Variants in CNTN6 observed in about 807,000 individuals in gnomAD.
CNTN6 encodes contactin 6.
CNTN6 carries 137 observed loss-of-function variants against 122.8 expected under a neutral mutation model. The ratio of observed to expected loss-of-function variants is 1.12; its 90% CI spans 0.97 to 1.29. CNTN6 has a LOEUF of 1.29. CNTN6 is among the 50% of genes most tolerant of loss of function. The pLI, the probability that CNTN6 is intolerant of heterozygous loss-of-function variation, is 0.00. For synonymous variants in CNTN6, 570 were observed against 426.0 expected (o/e 1.34, Z -4.16); for missense variants, 1,634 against 1,223.4 (o/e 1.34, Z -5.01).
intron 4 of CNTN6, among the ~76,000 whole-genome samples, chr3:1,247,841 A>T (rs905126383): frequency 6.6e-6 from 1 of 151,888 alleles, no homozygotes; most frequent in African/African-American, 2.4e-5. Flanking sequence ...AGCCTTTTAC[A>T]TAACATTTGT....
chr3:1,097,180 G>A (rs1164714598), intron 1 of CNTN6, among the ~76,000 whole-genome samples: 1 of 152,172 alleles, frequency 6.6e-6, no homozygotes, highest in Non-Finnish European at 1.5e-5. Context: ...CAGAGCCATT[G>A]GGCATGCCTT....
At chr3:1,401,686 CTTTCTAATTTTCCA>C (rs1695728468) in intron 21 of CNTN6, 141 bp downstream of exon 21, 1 of 609,368 alleles carries the variant, frequency 1.6e-6, no homozygotes, top group African/African-American at 1.9e-5. Context: ...ACCATTGCTG[CTTTCTAATTTTCCA>C]TTGAAAATGT....
chr3:1,157,396 T>TACAAA (rs1371591529), intron 2 of CNTN6, among the ~76,000 whole-genome samples: 3 of 151,974 alleles, frequency 2.0e-5, no homozygotes, highest in African/African-American at 7.2e-5. Flanking sequence ...TTTGTATATT[T>TACAAA]AGTAGAGACG....
At position 1,275,321 on chromosome 3, in the gene CNTN6, T is replaced by C. The variant is rs183043643; in HGVS notation, c.359-3092T>C. Among the ~76,000 whole-genome samples the C allele has an allele frequency of 8.0e-3, 1,226 of 152,330 alleles. 10 individuals carry two copies. The highest frequency in any genetic ancestry group is 0.012 in the Non-Finnish European group (836 of 68,018). On this transcript the variant is annotated intron_variant, in intron 4 of 22. Coordinates refer to ENST00000446702, the MANE Select transcript of CNTN6 (RefSeq NM_001289080.2). Reference sequence around the variant, plus strand: ...GATCTCCATGTCCTTATCTGCTATCTACTATCCACTTCTCGATTCATATTG... The same window carrying C: ...GATCTCCATGTCCTTATCTGCTATCCACTATCCACTTCTCGATTCATATTG...
chr3:1,099,147 C>T (rs1559306785), intron 1 of CNTN6, among the ~76,000 whole-genome samples: 1 of 152,026 alleles, frequency 6.6e-6, no homozygotes, highest in Non-Finnish European at 1.5e-5. Context: ...TATTTAGACT[C>T]ATTCTTATAA....
At chr3:1,208,952 G>A (rs1019378257) in intron 2 of CNTN6, among the ~76,000 whole-genome samples, 43 of 152,056 alleles carry the variant, frequency 2.8e-4, no homozygotes, top group African/African-American at 9.9e-4. Flanking sequence ...AAAGTTGGTC[G>A]AGTTTACTTA....
intron 7 of CNTN6, among the ~76,000 whole-genome samples, chr3:1,310,055 T>C (rs1698987930): frequency 1.3e-5 from 2 of 152,102 alleles, no homozygotes; most frequent in South Asian, 2.1e-4. Flanking sequence ...GGATTTTTCA[T>C]TGCTGCCTGG....
At chr3:1,121,806 C>T (rs573819602) in intron 1 of CNTN6, among the ~76,000 whole-genome samples, 40 of 152,020 alleles carry the variant, frequency 2.6e-4, no homozygotes, top group African/African-American at 9.4e-4. Flanking sequence ...TTTAGGTAGG[C>T]CACACATTTT....
chr3:1,392,627 A>C (rs1158682269), intron 20 of CNTN6, among the ~76,000 whole-genome samples: 2 of 143,996 alleles, frequency 1.4e-5, no homozygotes, highest in Admixed American at 1.4e-4. Context: ...GCAACCTACA[A>C]AATGGGAGAA....
chr3:1,160,111 G>T lies in CNTN6; in HGVS notation c.55+12048G>T, dbSNP rs768366148. ...TGGGATTACAGACATCAGCCACCAC[G>T]CCCGGCCAATCATTCAGTTTTTAAT... is the stretch of plus-strand genomic sequence containing the variant. On this transcript the variant is annotated intron_variant, in intron 2 of 22. Transcript: ENST00000446702. Among the ~76,000 whole-genome samples the T allele has an allele frequency of 2.6e-5, 4 of 152,048 alleles. No individual in the cohort carries two copies. In the East Asian group the frequency reaches 5.8e-4, roughly 22 times the overall value.
chr3:1,165,281 C>T (rs184973418), intron 2 of CNTN6, among the ~76,000 whole-genome samples: 6 of 152,096 alleles, frequency 3.9e-5, no homozygotes, highest in African/African-American at 7.2e-5. Context: ...TAGGCTGTTG[C>T]GGAAGACTCT....
rs146098319 is a variant in CNTN6 at position 1,374,020 on chromosome 3, T to A, written c.2042T>A (p.Ile681Asn). Residue 681 changes from isoleucine (I) to asparagine (N), a missense_variant, in exon 16 of 23, where the codon ATT (isoleucine) becomes AAT (asparagine). By Grantham distance (149) the Ile-to-Asn change is moderately radical. Transcript: ENST00000446702. ...TTTCGTGTTGTTGCCGGCAACAGCA[T>A]TGGGATTGGAGAACCAAGTGAACCA... ...YEFRVVAGNS[I>N]GIGEPSEPSE... 1.9e-6 allele frequency: 3 copies of A among 1,613,170 alleles called. No homozygotes were observed. Among genetic ancestry groups the A allele is most frequent in the Non-Finnish European group, 2.5e-6 (3 of 1,179,328 alleles).
intron 16 of CNTN6, among the ~76,000 whole-genome samples, chr3:1,375,112 G>C (rs1368784094): frequency 6.6e-6 from 1 of 152,012 alleles, no homozygotes; most frequent in Non-Finnish European, 1.5e-5. Flanking sequence ...GCCAAAGAAA[G>C]TGTGTAAATA....
At chr3:1,317,989 G>A (rs767182680) in intron 7 of CNTN6, among the ~76,000 whole-genome samples, 3 of 150,516 alleles carry the variant, frequency 2.0e-5, no homozygotes, top group South Asian at 2.1e-4. Context: ...AACTTTTAAA[G>A]CCCAGTACTG....
At chr3:1,296,419 A>G (rs1453128694) in intron 6 of CNTN6, among the ~76,000 whole-genome samples, 1 of 152,178 alleles carries the variant, frequency 6.6e-6, no homozygotes, top group East Asian at 1.9e-4. Flanking sequence ...CATGGCTGGT[A>G]CAAGATTTAG....
intron 4 of CNTN6, among the ~76,000 whole-genome samples, chr3:1,278,055 G>A (rs1013627772): frequency 1.3e-5 from 2 of 152,168 alleles, no homozygotes; most frequent in African/African-American, 4.8e-5. Flanking sequence ...GATGTTGGAA[G>A]ACTGCAGCAA....
rs890587767 is a variant in CNTN6, at chr3:1,299,984, C to CT, written c.761+2003dup. On this transcript the variant is annotated intron_variant, in intron 7 of 22. Transcript: ENST00000446702. ...AAACCAAAATCCAAATTTCATTCTA[C>CT]TTTTTTTTTTGAGACGGAGTCTTGC... Among the ~76,000 whole-genome samples, 93 of 148,802 alleles carry CT rather than the reference C, an allele frequency of 6.2e-4. 1 individual carries two copies. Among genetic ancestry groups the CT allele is most frequent in the South Asian group, 2.1e-3 (10 of 4,700 alleles).
At chr3:1,351,727 G>A (rs1705670927) in intron 11 of CNTN6, among the ~76,000 whole-genome samples, 1 of 151,890 alleles carries the variant, frequency 6.6e-6, no homozygotes, top group African/African-American at 2.4e-5. Flanking sequence ...AACCCATGAA[G>A]CCTTATTCTT....
intron 20 of CNTN6, among the ~76,000 whole-genome samples, chr3:1,396,929 C>T (rs1163652412): frequency 6.6e-6 from 1 of 152,194 alleles, no homozygotes; most frequent in Non-Finnish European, 1.5e-5. Flanking sequence ...AGCACTGTCA[C>T]TGTCTAGATT....
Sources: allele counts gnomAD v4.1 joint callset (sites outside exome capture counted in the v4.1 genomes callset), GRCh38; gene constraint gnomAD v4.1.1; transcripts MANE v1.5; gene names NCBI Gene and HGNC (gene_info 2026-07-23, HGNC 2026-07-21).